The following MED13L variants were observed in gnomAD, a reference collection of about 807,000 sequenced individuals.
MED13L encodes the protein mediator complex subunit 13L, also known as mediator of RNA polymerase II transcription subunit 13-like.
MED13L carries 7 observed loss-of-function variants against 220.9 expected under a neutral mutation model. The ratio of observed to expected loss-of-function variants is 0.03; its 90% CI spans 0.02 to 0.06. MED13L has a LOEUF of 0.06. Ranked by LOEUF, MED13L falls within the 10% of genes least tolerant of loss-of-function variation. The probability of loss-of-function intolerance (pLI) is 1.00; values close to 1 mark genes in which losing one functional copy is unlikely to be tolerated. For synonymous variants in MED13L, 1,011 were observed against 1,015.2 expected (o/e 1.00, Z 0.08); for missense variants, 1,965 against 2,760.5 (o/e 0.71, Z 6.46).
At chr12:116,120,199 C>CT (rs1874920124) in intron 2 of MED13L, among the ~76,000 whole-genome samples, 2 of 151,890 alleles carry the variant, frequency 1.3e-5, no homozygotes, top group African/African-American at 4.8e-5. Flanking sequence ...TGTTCTGACT[C>CT]TGACACCCAT....
intron 3 of MED13L, among the ~76,000 whole-genome samples, chr12:116,100,951 A>G (rs1873020685): frequency 6.6e-6 from 1 of 152,164 alleles, no homozygotes; most frequent in African/African-American, 2.4e-5. Flanking sequence ...AATGAAAGCC[A>G]CTATAAATTC....
chr12:116,096,343 A>T (rs1216914891), intron 4 of MED13L, among the ~76,000 whole-genome samples: 1 of 127,900 alleles, frequency 7.8e-6, no homozygotes, highest in Non-Finnish European at 1.6e-5. Flanking sequence ...TGACAGAGTG[A>T]GACACAGCCT....
At chr12:116,277,028 CA>C in intron 1 of MED13L, 31 bp downstream of exon 1, 19 of 1,322,634 alleles carry the variant, frequency 1.4e-5, no homozygotes, top group Non-Finnish European at 1.9e-5. Context: ...CCTTCCCCGG[CA>C]CAGCCCCCTC....
intron 29 of MED13L, among the ~76,000 whole-genome samples, chr12:115,964,682 T>A (rs1028192250): frequency 1.3e-5 from 2 of 152,176 alleles, no homozygotes; most frequent in South Asian, 2.1e-4. Context: ...TCCCATCCTA[T>A]CCCTGGACAA....
intron 1 of MED13L, among the ~76,000 whole-genome samples, chr12:116,243,099 C>A (rs149687754): frequency 1.3e-5 from 2 of 152,298 alleles, no homozygotes; most frequent in African/African-American, 4.8e-5. Context: ...TATATGCCTT[C>A]TTTTACATGT....
intron 4 of MED13L, among the ~76,000 whole-genome samples, chr12:116,044,856 G>A (rs1881740245): frequency 6.6e-6 from 1 of 152,162 alleles, no homozygotes; most frequent in South Asian, 2.1e-4. Context: ...AGAATATGAA[G>A]TTGTATCAGC....
chr12:116,171,120 AC>A (rs1879653827), intron 2 of MED13L, among the ~76,000 whole-genome samples: 1 of 152,202 alleles, frequency 6.6e-6, no homozygotes, highest in Non-Finnish European at 1.5e-5. Context: ...AGTTTTTTTG[AC>A]TTGTGGGATC....
chr12:116,076,931 G>A (rs989849306), intron 4 of MED13L, among the ~76,000 whole-genome samples: 1 of 152,170 alleles, frequency 6.6e-6, no homozygotes, highest in African/African-American at 2.4e-5. Context: ...TGGGTCTCAG[G>A]AGTCATATTT....
intron 1 of MED13L, among the ~76,000 whole-genome samples, chr12:116,251,862 T>C (rs963913488): frequency 1.3e-5 from 2 of 151,062 alleles, no homozygotes; most frequent in Admixed American, 1.3e-4. Context: ...AGAAAAAAGA[T>C]ATACTGTGCA....
chr12:115,978,332 T>C (rs1050658570), intron 23 of MED13L, among the ~76,000 whole-genome samples: 4 of 149,442 alleles, frequency 2.7e-5, no homozygotes, highest in East Asian at 1.9e-4. Flanking sequence ...TTTTCTTTTT[T>C]TTTTTTTTTT....
chr12:116,101,554 A>T (rs746807285), intron 3 of MED13L, among the ~76,000 whole-genome samples: 1 of 152,194 alleles, frequency 6.6e-6, no homozygotes. Flanking sequence ...AAAAATCTAC[A>T]TATTTCAATT....
intron 2 of MED13L, among the ~76,000 whole-genome samples, chr12:116,234,742 T>C (rs1869908629): frequency 6.6e-6 from 1 of 152,134 alleles, no homozygotes; most frequent in South Asian, 2.1e-4. Context: ...ACTGCAACCT[T>C]GGCCTCCTGG....
chr12:116,002,975 A>T, intron 14 of MED13L, 28 bp downstream of exon 14: 1 of 1,527,594 alleles, frequency 6.5e-7, no homozygotes. Flanking sequence ...AGTGAGCCAC[A>T]ATGGCTCAGT....
Position 115,975,305 on chromosome 12 carries a change from C to G in MED13L, c.5597G>C (p.Arg1866Thr), listed in dbSNP as rs773888969. 6.2e-7 allele frequency: 1 copy of G among 1,614,104 alleles called. No individual in the cohort carries two copies. The highest frequency in any genetic ancestry group is 8.5e-7 in the Non-Finnish European group (1 of 1,179,976). ...AATTTTACGTGCAGATACTTTACTC[C>G]TCCGTGACCTAACAAATAAAGAAAT... ...VNIALPNRSR[R>T]SKVSARKIGL... The change falls in exon 25 of 31, where the codon AGG becomes ACG. Residue 1866 changes from arginine to threonine, a missense_variant. Physicochemically the swap from Arg to Thr is moderately conservative, Grantham distance 71 (BLOSUM62 -1). This residue lies in a region of MED13L where 510 missense variants were observed against 620.4 expected (regional missense o/e 0.82). Transcript: ENST00000281928.
chr12:116,009,871 G>C (rs1205753690), intron 9 of MED13L, among the ~76,000 whole-genome samples: 2 of 152,142 alleles, frequency 1.3e-5, no homozygotes, highest in African/African-American at 4.8e-5. Context: ...CTCAGTAAGA[G>C]CCCACTACAT....
At chr12:115,969,242 G>C (rs925836013) in intron 27 of MED13L, 145 bp from the exon 28 acceptor site, 26 of 900,258 alleles carry the variant, frequency 2.9e-5, no homozygotes, top group Non-Finnish European at 3.8e-5. Context: ...GATTCAGTTA[G>C]GACCTACTGA....
intron 2 of MED13L, among the ~76,000 whole-genome samples, chr12:116,146,454 A>T (rs1565899472): frequency 6.7e-6 from 1 of 149,540 alleles, no homozygotes. Flanking sequence ...TTTTTTTTTT[A>T]AAGCTCATCA....
At chr12:116,082,133 C>T (rs1407274055) in intron 4 of MED13L, among the ~76,000 whole-genome samples, 3 of 152,128 alleles carry the variant, frequency 2.0e-5, no homozygotes, top group Non-Finnish European at 2.9e-5. Flanking sequence ...TGCCAGTAAA[C>T]TAAATATAGA....
chr12:116,081,181 C>T (rs1057028687), intron 4 of MED13L, among the ~76,000 whole-genome samples: 1 of 152,202 alleles, frequency 6.6e-6, no homozygotes, highest in African/African-American at 2.4e-5. Flanking sequence ...CAATCTTATC[C>T]TTATATTCTT....
Sources: gnomAD v4.1 joint callset for allele counts (sites outside exome capture counted in the v4.1 genomes callset) on GRCh38, gnomAD v4.1.1 for gene constraint, gnomAD v4.1.1 regional missense constraint, MANE v1.5 for transcripts, NCBI Gene and HGNC (gene_info 2026-07-23, HGNC 2026-07-21) for gene names.